The following NBDY variants were observed in gnomAD, a reference collection of about 807,000 sequenced individuals.
NBDY encodes P-body dissociating protein.
chrX:56,741,916 G>C (rs2069533853), intron 2 of NBDY, among the ~76,000 whole-genome samples: 1 of 111,486 alleles, frequency 9.0e-6, no homozygotes, highest in Non-Finnish European at 1.9e-5. Flanking sequence ...CCAGATCAAT[G>C]TCCTGGAGAT....
chrX:56,809,513 C>A (rs1001282159), intron 2 of NBDY, among the ~76,000 whole-genome samples: 1 of 111,871 alleles, frequency 8.9e-6, no homozygotes, highest in Admixed American at 9.5e-5. Flanking sequence ...TATGTAATGT[C>A]CTTCTTTGTC....
At chrX:56,734,361 G>T (rs2069475669) in intron 2 of NBDY, among the ~76,000 whole-genome samples, 1 of 111,960 alleles carries the variant, frequency 8.9e-6, no homozygotes, top group South Asian at 3.7e-4. Flanking sequence ...GTGAACATAA[G>T]CCAGCCATCT....
intron 2 of NBDY, among the ~76,000 whole-genome samples, chrX:56,738,051 C>T (rs1369038389): frequency 4.5e-5 from 5 of 111,828 alleles, no homozygotes; most frequent in Admixed American, 1.9e-4. Flanking sequence ...TCATAATCTA[C>T]GCCATATTCC....
intron 2 of NBDY, among the ~76,000 whole-genome samples, chrX:56,763,915 G>A (rs910298509): frequency 3.6e-5 from 4 of 112,619 alleles, no homozygotes; most frequent in Admixed American, 1.9e-4. Flanking sequence ...TGTAGTTGGC[G>A]TTTGTGGAGC....
intron 2 of NBDY, among the ~76,000 whole-genome samples, chrX:56,794,364 C>T (rs1207259395): frequency 8.9e-6 from 1 of 112,054 alleles, no homozygotes; most frequent in East Asian, 2.8e-4. Flanking sequence ...ACTGTGCCTT[C>T]GTCTTTCTCC....
chrX:56,757,483 C>T (rs2069617284), intron 2 of NBDY, among the ~76,000 whole-genome samples: 1 of 111,864 alleles, frequency 8.9e-6, no homozygotes, highest in Admixed American at 9.5e-5. Context: ...TGGCCCTTTG[C>T]AGTGAGCACT....
intron 2 of NBDY, among the ~76,000 whole-genome samples, chrX:56,781,439 C>T (rs2069689533): frequency 9.0e-6 from 1 of 111,706 alleles, no homozygotes; most frequent in Non-Finnish European, 1.9e-5. Context: ...TGTGCAGACG[C>T]GGTACAGACC....
At chrX:56,799,761 A>AC (rs1218885977) in intron 2 of NBDY, among the ~76,000 whole-genome samples, 1 of 111,930 alleles carries the variant, frequency 8.9e-6, no homozygotes, top group East Asian at 2.9e-4. Context: ...AAACACACAC[A>AC]AAAAAAACAA....
intron 2 of NBDY, among the ~76,000 whole-genome samples, chrX:56,784,199 C>G (rs149258149): frequency 3.6e-5 from 4 of 112,204 alleles, no homozygotes; most frequent in African/African-American, 1.3e-4. Flanking sequence ...CTGAGGTGCA[C>G]GACACTTGTC....
At chrX:56,785,512 AG>A (rs938526564) in intron 2 of NBDY, among the ~76,000 whole-genome samples, 1 of 110,875 alleles carries the variant, frequency 9.0e-6, no homozygotes, top group African/African-American at 3.3e-5. Context: ...GGCAATTCTC[AG>A]GGGGCAGTTT....
chrX:56,760,643 C>G (rs2069633446), intron 2 of NBDY, among the ~76,000 whole-genome samples: 1 of 111,936 alleles, frequency 8.9e-6, no homozygotes, highest in South Asian at 3.7e-4. Flanking sequence ...GAGATTGCAC[C>G]ATTGCACTCC....
At chrX:56,736,850 G>T (rs1489835913) in intron 2 of NBDY, among the ~76,000 whole-genome samples, 1 of 111,833 alleles carries the variant, frequency 8.9e-6, no homozygotes, top group South Asian at 3.8e-4. Flanking sequence ...AAATCTATTT[G>T]GATAGCAGTG....
At chrX:56,757,922 C>T (rs757082460) in intron 2 of NBDY, among the ~76,000 whole-genome samples, 4 of 111,178 alleles carry the variant, frequency 3.6e-5, no homozygotes, top group Non-Finnish European at 7.5e-5. Flanking sequence ...GCTACAGAAT[C>T]CTCTATGAAC....
intron 2 of NBDY, among the ~76,000 whole-genome samples, chrX:56,759,512 CTATT>C (rs1342409142): frequency 9.0e-6 from 1 of 110,665 alleles, no homozygotes; most frequent in East Asian, 2.8e-4. Flanking sequence ...TTTCTCCTTC[CTATT>C]TTTTTTTTTC....
At chrX:56,783,551 G>A (rs935998174) in intron 2 of NBDY, among the ~76,000 whole-genome samples, 4 of 112,431 alleles carry the variant, frequency 3.6e-5, no homozygotes, top group Admixed American at 9.3e-5. Flanking sequence ...GGCCTCTAGA[G>A]TAGCTGCTTC....
intron 2 of NBDY, among the ~76,000 whole-genome samples, chrX:56,794,123 T>A (rs1408598365): frequency 8.9e-6 from 1 of 111,892 alleles, no homozygotes; most frequent in African/African-American, 3.3e-5. Flanking sequence ...GCCTCTAGAG[T>A]AGCTGCTTCT....
chrX:56,766,202 T>G (rs969843029), intron 2 of NBDY, among the ~76,000 whole-genome samples: 1 of 112,205 alleles, frequency 8.9e-6, no homozygotes, highest in Non-Finnish European at 1.9e-5. Flanking sequence ...ACTCCTTTTT[T>G]TCCAGTCAAG....
chrX:56,793,897 C>G (rs1053590040), intron 2 of NBDY, among the ~76,000 whole-genome samples: 1 of 111,963 alleles, frequency 8.9e-6, no homozygotes, highest in Non-Finnish European at 1.9e-5. Context: ...CATCCTGAAG[C>G]TCCTTTTCCT....
At chrX:56,739,282 T>G (rs7056556) in intron 2 of NBDY, among the ~76,000 whole-genome samples, 1 of 56,330 alleles carries the variant, frequency 1.8e-5, no homozygotes, top group African/African-American at 8.7e-5. Context: ...ATATATATAT[T>G]TTTATATATA....
Sources: allele counts gnomAD v4.1 joint callset (sites outside exome capture counted in the v4.1 genomes callset), GRCh38; gene constraint gnomAD v4.1.1; transcripts MANE v1.5; gene names NCBI Gene and HGNC (gene_info 2026-07-23, HGNC 2026-07-21).